The following TTC21A variants were observed in gnomAD, a reference collection of about 807,000 sequenced individuals.
TTC21A encodes the protein tetratricopeptide repeat domain 21A.
A neutral mutation model predicts 156.4 loss-of-function variants in TTC21A; 128 were observed. The observed-to-expected ratio is 0.82, with a 90% CI of 0.71 to 0.95. The LOEUF (loss-of-function observed/expected upper bound fraction) is 0.95, where lower values mean the gene tolerates loss of function less well. TTC21A is among the 40% of genes least tolerant of loss of function. The probability of loss-of-function intolerance (pLI) is 0.00; values close to 1 mark genes in which losing one functional copy is unlikely to be tolerated. For synonymous variants in TTC21A, 587 were observed against 617.1 expected (o/e 0.95, Z 0.72); for missense variants, 1,435 against 1,602.3 (o/e 0.90, Z 1.78).
rs757113636 is a variant in TTC21A, at chr3:39,107,823, C to T, written c.-15C>T. On this transcript the variant is annotated 5_prime_UTR_variant, in exon 1 of 29. Coordinates refer to ENST00000683103, the MANE Select transcript of TTC21A (RefSeq NM_001366900.1). ...GCCCCACCAGACCCGGACTCGGAGC[C>T]GCGAGCGGCCCGAGATGAGCAGCAA... 4 of 1,612,634 alleles carry T rather than the reference C, an allele frequency of 2.5e-6. No homozygotes were observed. The East Asian group carries it at 6.7e-5, about 27-fold the overall frequency.
chr3:39,119,897 G>A, intron 7 of TTC21A, 25 bp from the exon 8 acceptor site: 1 of 1,524,248 alleles, frequency 6.6e-7, no homozygotes, highest in Non-Finnish European at 9.1e-7. Context: ...CTTGCATGTT[G>A]ACATTCTCTG....
intron 9 of TTC21A, among the ~76,000 whole-genome samples, chr3:39,123,498 G>A (rs959898686): frequency 6.6e-6 from 1 of 152,102 alleles, no homozygotes; most frequent in Non-Finnish European, 1.5e-5. Context: ...CTCCTAGTTG[G>A]ATACCCTGCT....
At chr3:39,129,392 A>C in intron 15 of TTC21A, 82 bp downstream of exon 15, 1 of 1,054,196 alleles carries the variant, frequency 9.5e-7, no homozygotes, top group South Asian at 1.4e-5. Context: ...TATTTCTTCA[A>C]CCTGGGTCTC....
At chr3:39,129,510 C>G (rs373689914) in intron 15 of TTC21A, among the ~76,000 whole-genome samples, 200 bp downstream of exon 15, 7 of 152,208 alleles carry the variant, frequency 4.6e-5, no homozygotes, top group Non-Finnish European at 1.0e-4. Context: ...GATACAGAAT[C>G]GAATTGGCCC....
At chr3:39,136,740 C>G in intron 23 of TTC21A, 159 bp from the exon 24 acceptor site, 2 of 1,052,274 alleles carry the variant, frequency 1.9e-6, no homozygotes, top group Non-Finnish European at 2.7e-6. Flanking sequence ...CAGCCTGCAT[C>G]CAACACACAG....
At chr3:39,108,548 C>T (rs902847143) in intron 1 of TTC21A, among the ~76,000 whole-genome samples, 2 of 152,174 alleles carry the variant, frequency 1.3e-5, no homozygotes, top group Admixed American at 6.5e-5. Context: ...TCATATGGCC[C>T]ATGAGGATGT....
intron 12 of TTC21A, among the ~76,000 whole-genome samples, chr3:39,127,633 C>T (rs1396050128): frequency 1.3e-5 from 2 of 152,162 alleles, no homozygotes; most frequent in Admixed American, 6.5e-5. Flanking sequence ...GACCTGACTG[C>T]GAGGGAAGAG....
chr3:39,138,836 T>TAC lies in TTC21A; in HGVS notation c.*48_*49insAC. 7 of 1,529,528 alleles carry TAC rather than the reference T, an allele frequency of 4.6e-6. No homozygotes were observed. The highest frequency in any genetic ancestry group is 6.3e-6 in the Non-Finnish European group (7 of 1,108,818). 94.7% of individuals were successfully genotyped at this position (1,529,528 alleles called of 1,614,324 possible). On this transcript the variant is annotated 3_prime_UTR_variant, in exon 29 of 29. Transcript: ENST00000683103. ...AGTAGAAGCCATCAACCTACTGAAG[T>TAC]TGTGTGGAGGGATGGAAAGTGGGTC...
At chr3:39,110,458 A>C in intron 3 of TTC21A, 1 of 507,026 alleles carries the variant, frequency 2.0e-6, no homozygotes, top group Non-Finnish European at 3.6e-6. Flanking sequence ...AATATATATA[A>C]TTCTACCCCT....
rs770201566 is a variant in TTC21A at position 39,107,859 on chromosome 3, C to T, written c.22C>T (p.Leu8Phe). 7 of 1,613,070 alleles carry T rather than the reference C, an allele frequency of 4.3e-6. No homozygotes were observed. Among genetic ancestry groups the T allele is most frequent in the Non-Finnish European group, 5.9e-6 (7 of 1,180,014 alleles). The change falls in exon 1 of 29, where the codon CTT becomes TTT. Residue 8 changes from leucine (L) to phenylalanine (F), a missense_variant. Transcript: ENST00000683103. ...CGAGATGAGCAGCAATGACTCCTCC[C>T]TTATGGTGCGTGGCCCGGGCGCTGT... MSSNDSSLMAGIIYYSQE... is the reference protein window; with the variant it reads MSSNDSSFMAGIIYYSQE...
Position 39,130,579 on chromosome 3 carries a change from CT to C in TTC21A, c.2320-118del. On this transcript the variant is annotated intron_variant, in intron 17 of 28. Transcript: ENST00000683103. This position sits in a 1 kb window ranked among gnomAD's most constrained non-coding sequence, Gnocchi z 4.5. ...ACCCTGTGCCAGCTGGGAGGAGTGC[CT>C]TTTCACTTTAGGCTATGTTCTGGAG... The C allele has an allele frequency of 7.6e-7, 1 of 1,320,306 alleles. No homozygotes were observed. Among genetic ancestry groups the C allele is most frequent in the Non-Finnish European group, 1.1e-6 (1 of 949,262 alleles). The allele number at this position is 1,320,306 out of a possible 1,614,324, so 81.8% of individuals were successfully genotyped here.
Position 39,121,180 on chromosome 3 carries a change from G to A in TTC21A, c.1084G>A (p.Gly362Ser). Residue 362 changes from glycine (G) to serine (S), a missense_variant, in exon 9 of 29, where the codon GGT (glycine) becomes AGT (serine). Transcript: ENST00000683103. ...AMKLDKDGMA[G>S]LTGIILCHIL... Reference sequence around the variant, plus strand: ...GAAACTGGACAAGGATGGCATGGCTGGTTTGACAGGTATATGCAGGTGTGG... The same window carrying A: ...GAAACTGGACAAGGATGGCATGGCTAGTTTGACAGGTATATGCAGGTGTGG... 1 of 1,612,374 alleles carries A rather than the reference G, an allele frequency of 6.2e-7. No individual in the cohort carries two copies. The highest frequency in any genetic ancestry group is 8.5e-7 in the Non-Finnish European group (1 of 1,178,946).
In TTC21A at chr3:39,136,497, A is replaced by G. The variant is rs763579865; in HGVS notation, c.3085A>G (p.Ile1029Val). The G allele has an allele frequency of 6.2e-6, 10 of 1,614,054 alleles. No homozygotes were observed. In the Middle Eastern group the frequency reaches 6.6e-4, roughly 107 times the overall value. ...ACCAGGGTTCAATTACTGCAGAGGT[A>G]TCTACTGCTGGTGAGTTGGGTGTGG... The part of the protein sequence containing the change: ...LEPGFNYCRG[I>V]YCWHIGQPNE... The change falls in exon 23 of 29, where the codon ATC becomes GTC. Residue 1029 changes from isoleucine to valine, a missense_variant. Coordinates refer to ENST00000683103, the MANE Select transcript of TTC21A (RefSeq NM_001366900.1).
chr3:39,112,341 C>A (rs117904721), intron 4 of TTC21A, 117 bp from the exon 5 acceptor site: 3 of 1,048,620 alleles, frequency 2.9e-6, no homozygotes, highest in Non-Finnish European at 1.4e-6. Context: ...GGGATCTGCA[C>A]GGGACTGTGC....
Position 39,121,075 on chromosome 3 carries a change from C to T in TTC21A, c.979C>T (p.His327Tyr), listed in dbSNP as rs757360106. 6 of 1,614,136 alleles carry T rather than the reference C, an allele frequency of 3.7e-6. No individual in the cohort carries two copies. In the East Asian group the frequency reaches 1.1e-4, roughly 30 times the overall value. The change falls in exon 9 of 29, where the codon CAT becomes TAT. Residue 327 changes from histidine to tyrosine, a missense_variant. Transcript: ENST00000683103. ...CTTCATGGCCACCCCCTCGTATGTC[C>T]ATGTGGCCACAGAACTGGGCTATCT... ...RTFMATPSYV[H>Y]VATELGYLFI...
intron 14 of TTC21A, 53 bp from the exon 15 acceptor site, chr3:39,129,019 C>A: frequency 6.2e-7 from 1 of 1,606,828 alleles, no homozygotes; most frequent in Non-Finnish European, 8.5e-7. Flanking sequence ...TTGATTCCAC[C>A]CACTGTTTAC....
chr3:39,111,490 C>T (rs1185381425), intron 4 of TTC21A, among the ~76,000 whole-genome samples: 1 of 152,182 alleles, frequency 6.6e-6, no homozygotes, highest in African/African-American at 2.4e-5. Context: ...CATTCCCTCC[C>T]TGTAATGCTC....
rs2125836629 is a variant in TTC21A at position 39,129,121 on chromosome 3, C to T, written c.1946C>T (p.Thr649Ile). 2 of 1,614,236 alleles carry T rather than the reference C, an allele frequency of 1.2e-6. No homozygotes were observed. Among genetic ancestry groups the T allele is most frequent in the Middle Eastern group, 3.3e-4 (2 of 6,062 alleles). Residue 649 changes from threonine (T) to isoleucine (I), a missense_variant, in exon 15 of 29, where the codon ACA becomes ATA. Thr to Ile is a moderately conservative substitution (Grantham distance 89, BLOSUM62 -1). Coordinates refer to ENST00000683103, the MANE Select transcript of TTC21A (RefSeq NM_001366900.1). The part of the protein sequence containing the change: ...MQDTINEFGG[T>I]PEENRITIAN... ...GACACCATCAATGAGTTCGGTGGCA[C>T]ACCAGAAGAGAACCGCATCACCATT...
chr3:39,133,850 G>A (rs556128234), intron 20 of TTC21A, among the ~76,000 whole-genome samples: 2 of 152,352 alleles, frequency 1.3e-5, no homozygotes, highest in East Asian at 3.9e-4. Context: ...ATGTAGACGA[G>A]AGCACAGGCA....
Sources: allele counts gnomAD v4.1 joint callset (sites outside exome capture counted in the v4.1 genomes callset), GRCh38; gene constraint gnomAD v4.1.1; non-coding constraint Gnocchi (gnomAD v3.1); transcripts MANE v1.5; gene names NCBI Gene and HGNC (gene_info 2026-07-23, HGNC 2026-07-21).